The following BPTF variants were observed in gnomAD, a reference collection of about 807,000 sequenced individuals.
BPTF encodes bromodomain PHD finger transcription factor, also known as nucleosome-remodeling factor subunit BPTF.
In BPTF, 18 loss-of-function variants were observed where a neutral mutation model predicts 292.5. The observed-to-expected ratio is 0.06, with a 90% CI of 0.04 to 0.09. The LOEUF (loss-of-function observed/expected upper bound fraction) is 0.09. Among genes scored for constraint, BPTF ranks in the 10% least tolerant of loss-of-function variants. The pLI is 1.00. For missense variants in BPTF, 2,726 were observed against 3,498.7 expected, an observed-to-expected ratio of 0.78 and a Z score of 5.57; for synonymous variants, 1,225 against 1,251.9, an observed-to-expected ratio of 0.98 and a Z score of 0.45.
intron 23 of BPTF, chr17:67,951,531 A>T (rs560892663): frequency 5.3e-5 from 8 of 152,136 alleles, no homozygotes; most frequent in Non-Finnish European, 8.8e-5. Flanking sequence ...TCCGTTCCAC[A>T]TTCTACACAG....
intron 15 of BPTF, 129 bp from the exon 16 acceptor site, chr17:67,928,226 A>G: frequency 2.9e-6 from 3 of 1,040,170 alleles, no homozygotes; most frequent in Non-Finnish European, 4.1e-6. Context: ...TCTTTTTGGA[A>G]GTAAAATACT....
chr17:67,831,712 C>G (rs1320189846), intron 1 of BPTF, among the ~76,000 whole-genome samples: 3 of 152,090 alleles, frequency 2.0e-5, no homozygotes, highest in Non-Finnish European at 2.9e-5. Context: ...CTGGGTGACA[C>G]AGGAGCAAAT....
At chr17:67,955,690 G>C (rs1310067424) in intron 23 of BPTF, 1 of 151,900 alleles carries the variant, frequency 6.6e-6, no homozygotes, top group Non-Finnish European at 1.5e-5. Context: ...AGCCAGACAT[G>C]GTGGCGGGCG....
At chr17:67,935,729 G>T (rs2064859143) in intron 18 of BPTF, among the ~76,000 whole-genome samples, 1 of 152,050 alleles carries the variant, frequency 6.6e-6, no homozygotes, top group African/African-American at 2.4e-5. Context: ...GTTGACAGAT[G>T]CCTATAATCC....
chr17:67,934,696 A>G (rs542944277), intron 18 of BPTF, among the ~76,000 whole-genome samples: 5 of 150,302 alleles, frequency 3.3e-5, no homozygotes, highest in Non-Finnish European at 7.4e-5. Flanking sequence ...ACATGGTGAA[A>G]CCCCGCCTGT....
Position 67,964,226 on chromosome 17 carries a change from G to C in BPTF, c.8276G>C (p.Cys2759Ser). Residue 2759 changes from cysteine to serine, a missense_variant, in exon 25 of 28, where the codon TGT becomes TCT. Coordinates refer to ENST00000306378, the MANE Select transcript of BPTF (RefSeq NM_182641.4). ...GGATCTTGCAGATTTTATATTGGCT[G>C]TGATCGGTGTCAGAATTGGTACCAT... Reference protein sequence around the residue: ...PYDESKFYIGCDRCQNWYHGR... With the variant: ...PYDESKFYIGSDRCQNWYHGR... 6.2e-7 allele frequency: 1 copy of C among 1,611,354 alleles called. No individual in the cohort carries two copies. Among genetic ancestry groups the C allele is most frequent in the Non-Finnish European group, 8.5e-7 (1 of 1,177,686 alleles).
intron 2 of BPTF, among the ~76,000 whole-genome samples, chr17:67,865,008 G>A (rs559136611): frequency 1.6e-4 from 24 of 152,026 alleles, no homozygotes; most frequent in South Asian, 2.1e-4. Context: ...GGGTTTCACC[G>A]TGTTAACCGG....
At chr17:67,893,850 C>G in intron 6 of BPTF, 125 bp downstream of exon 6, 1 of 1,144,292 alleles carries the variant, frequency 8.7e-7, no homozygotes, top group Admixed American at 2.4e-5. Flanking sequence ...GGTCAGCAGA[C>G]AGGACATTAG....
At chr17:67,853,159 C>G (rs2086744) in intron 1 of BPTF, among the ~76,000 whole-genome samples, 31,024 of 152,118 alleles carry the variant, frequency 0.2, 3,983 homozygotes, top group East Asian at 0.66. Flanking sequence ...TTGTTAAAAA[C>G]AAAACTCTCA....
rs770323373 is a variant in BPTF at position 67,911,807 on chromosome 17, T to G, written c.3923T>G (p.Val1308Gly). ...GATAGCAGTGAAGAAGATATGATTG[T>G]TCAGAATAGCAATGAAAGCATTTCT... ...IQDSSEEDMI[V>G]QNSNESISEQ... Residue 1308 changes from valine to glycine, a missense_variant, in exon 11 of 28, where the codon GTT becomes GGT. Val to Gly is a moderately radical substitution (Grantham distance 109). Around this residue, in one of 22 missense-constraint regions of BPTF, gnomAD observed 713 missense variants for 714.9 expected, o/e 1.00. Coordinates refer to ENST00000306378, the MANE Select transcript of BPTF (RefSeq NM_182641.4). The G allele has an allele frequency of 1.2e-6, 2 of 1,614,224 alleles. No homozygotes were observed. Among genetic ancestry groups the G allele is most frequent in the South Asian group, 2.2e-5 (2 of 91,084 alleles).
chr17:67,864,463 G>C (rs2145400029), intron 2 of BPTF, among the ~76,000 whole-genome samples: 1 of 150,948 alleles, frequency 6.6e-6, no homozygotes, highest in Middle Eastern at 3.4e-3. Flanking sequence ...AGGAGGCAGA[G>C]GTTGCAGTGA....
intron 18 of BPTF, 67 bp downstream of exon 18, chr17:67,932,086 G>A (rs2064444670): frequency 7.4e-7 from 1 of 1,348,956 alleles, no homozygotes; most frequent in South Asian, 1.2e-5. Flanking sequence ...GTAATTCTCT[G>A]CATTTGGCAC....
intron 3 of BPTF, among the ~76,000 whole-genome samples, chr17:67,866,966 A>G (rs1182873163): frequency 1.3e-5 from 2 of 152,232 alleles, no homozygotes; most frequent in East Asian, 3.8e-4. Context: ...GAATCCCATA[A>G]GCAGTTGTAG....
At chr17:67,876,493 A>G (rs2060058454) in intron 4 of BPTF, among the ~76,000 whole-genome samples, 1 of 152,190 alleles carries the variant, frequency 6.6e-6, no homozygotes, top group African/African-American at 2.4e-5. Context: ...CTTTATACTG[A>G]TGAGAGATTG....
In BPTF at chr17:67,948,127, G is replaced by C; in HGVS notation, c.7747G>C (p.Asp2583His). 6.2e-7 allele frequency: 1 copy of C among 1,614,170 alleles called. No homozygotes were observed. Among genetic ancestry groups the C allele is most frequent in the Non-Finnish European group, 8.5e-7 (1 of 1,180,030 alleles). Residue 2583 changes from aspartate (D) to histidine (H), a missense_variant, in exon 23 of 28, where the codon GAT becomes CAT. Asp to His is a moderately conservative substitution (Grantham distance 81). Transcript: ENST00000306378. Reference protein sequence around the residue: ...QVMKYILDKIDKEEKQAAKKR... With the variant: ...QVMKYILDKIHKEEKQAAKKR... ...GATGAAGTATATTTTGGATAAGATA[G>C]ATAAAGAAGAAAAACAGGCAGCAAA...
intron 19 of BPTF, among the ~76,000 whole-genome samples, chr17:67,941,468 CTTAG>C (rs1258927474): frequency 6.6e-6 from 1 of 152,112 alleles, no homozygotes; most frequent in African/African-American, 2.4e-5. Context: ...AACCAAAAAA[CTTAG>C]TATATAATAC....
chr17:67,919,738 G>C (rs747900099), intron 12 of BPTF, among the ~76,000 whole-genome samples: 19 of 152,132 alleles, frequency 1.2e-4, no homozygotes, highest in Non-Finnish European at 2.2e-4. Context: ...TGCTGCTTCT[G>C]TCCTAGGCTT....
intron 23 of BPTF, among the ~76,000 whole-genome samples, chr17:67,953,176 T>C (rs777598607): frequency 2.0e-5 from 3 of 152,086 alleles, no homozygotes; most frequent in Non-Finnish European, 2.9e-5. Context: ...TTAGCCAGGA[T>C]GGTCTCGATC....
At chr17:67,869,458 A>G (rs1348177956) in intron 3 of BPTF, among the ~76,000 whole-genome samples, 2 of 152,204 alleles carry the variant, frequency 1.3e-5, no homozygotes, top group Non-Finnish European at 2.9e-5. Flanking sequence ...ATGAATTATC[A>G]TGTGATAGAA....
Sources: gnomAD v4.1 joint callset for allele counts (sites outside exome capture counted in the v4.1 genomes callset) on GRCh38, gnomAD v4.1.1 for gene constraint, gnomAD v4.1.1 regional missense constraint, MANE v1.5 for transcripts, NCBI Gene and HGNC (gene_info 2026-07-23, HGNC 2026-07-21) for gene names.